The following SGMS1 variants were observed in gnomAD, a reference collection of about 807,000 sequenced individuals.
SGMS1 encodes the protein phosphatidylcholine:ceramide cholinephosphotransferase 1.
SGMS1 carries 13 observed loss-of-function variants against 46.2 expected under a neutral mutation model. The ratio of observed to expected loss-of-function variants is 0.28; its 90% CI spans 0.18 to 0.45. SGMS1 has a LOEUF of 0.45. Among genes scored for constraint, SGMS1 ranks in the 20% least tolerant of loss-of-function variants. The probability of loss-of-function intolerance (pLI) is 1.00; values close to 1 mark genes in which losing one functional copy is unlikely to be tolerated. For synonymous variants in SGMS1, 203 were observed against 187.8 expected (o/e 1.08, Z -0.66); for missense variants, 324 against 519.9 (o/e 0.62, Z 3.66).
intron 6 of SGMS1, among the ~76,000 whole-genome samples, chr10:50,380,216 A>G (rs1297051554): frequency 6.6e-6 from 1 of 151,888 alleles, no homozygotes; most frequent in African/African-American, 2.4e-5. Flanking sequence ...CCCTGTCTCT[A>G]ATAGAAATAC....
Position 50,311,420 on chromosome 10 carries a change from C to A in SGMS1, c.742-5G>T. The A allele has an allele frequency of 6.2e-7, 1 of 1,608,782 alleles. No individual in the cohort carries two copies. The highest frequency in any genetic ancestry group is 8.5e-7 in the Non-Finnish European group (1 of 1,178,372). On this transcript the variant is annotated splice_polypyrimidine_tract_variant and splice_region_variant and intron_variant, in intron 8 of 10. Transcript: ENST00000361781. ...GGCTTCCCAGTCTCCGAAAAGCTGG[C>A]AGAAAAAAAGAAAAGAAGAAAAAGA...
chr10:50,451,322 G>T (rs1467298211), intron 5 of SGMS1, among the ~76,000 whole-genome samples: 2 of 152,078 alleles, frequency 1.3e-5, no homozygotes, highest in Non-Finnish European at 1.5e-5. Flanking sequence ...TATGTTTCTG[G>T]TTCCTCTCAT....
intron 2 of SGMS1, among the ~76,000 whole-genome samples, chr10:50,559,330 G>A (rs141173201): frequency 4.6e-5 from 7 of 152,068 alleles, no homozygotes; most frequent in Admixed American, 2.0e-4. Context: ...TGCCAGAGGC[G>A]TACCCTACAC....
intron 1 of SGMS1, among the ~76,000 whole-genome samples, chr10:50,600,738 C>T (rs552448171): frequency 8.5e-5 from 13 of 152,182 alleles, no homozygotes; most frequent in Admixed American, 8.5e-4. Flanking sequence ...TTTTGAGAGT[C>T]TTCTATGTGT....
intron 5 of SGMS1, among the ~76,000 whole-genome samples, chr10:50,450,133 A>AT (rs1296286082): frequency 3.3e-5 from 5 of 152,222 alleles, no homozygotes; most frequent in Non-Finnish European, 5.9e-5. Context: ...AAGACAGTTG[A>AT]TTCAGCAACA....
intron 5 of SGMS1, among the ~76,000 whole-genome samples, chr10:50,436,136 G>T (rs1032115297): frequency 6.6e-6 from 1 of 152,036 alleles, no homozygotes; most frequent in South Asian, 2.1e-4. Context: ...ACATAGTCTC[G>T]CTCTGTCGCC....
intron 5 of SGMS1, among the ~76,000 whole-genome samples, chr10:50,450,026 A>G (rs933654006): frequency 6.6e-6 from 1 of 152,176 alleles, no homozygotes; most frequent in African/African-American, 2.4e-5. Flanking sequence ...TAGAATATAA[A>G]AGGCACTTAG....
rs570609226 is a variant in SGMS1, at chr10:50,389,592, T to C, written c.-232+43884A>G. Among the ~76,000 whole-genome samples, 9 of 152,306 alleles carry C rather than the reference T, an allele frequency of 5.9e-5. No homozygotes were observed. In the South Asian group the frequency reaches 1.7e-3, roughly 28 times the overall value. On this transcript the variant is annotated intron_variant, in intron 6 of 10. Coordinates refer to ENST00000361781, the MANE Select transcript of SGMS1 (RefSeq NM_147156.4). ...CCAGTGAAATAAAAATATTCCACTT[T>C]GCTATTTTCTCCTCTTCCTGGCCAT...
At chr10:50,400,263 C>A (rs1245476986) in intron 6 of SGMS1, among the ~76,000 whole-genome samples, 1 of 151,534 alleles carries the variant, frequency 6.6e-6, no homozygotes, top group East Asian at 1.9e-4. Context: ...TGCTGTGAGA[C>A]CTTGAATAAA....
At chr10:50,337,998 T>C (rs941081973) in intron 7 of SGMS1, among the ~76,000 whole-genome samples, 1 of 152,192 alleles carries the variant, frequency 6.6e-6, no homozygotes. Context: ...TACTGGAAAG[T>C]TGTATCTGTT....
At position 50,596,148 on chromosome 10, in the gene SGMS1, T is replaced by C. The variant is rs1398354286; in HGVS notation, c.-683-5901A>G. Among the ~76,000 whole-genome samples, 5 of 152,106 alleles carry C rather than the reference T, an allele frequency of 3.3e-5. No homozygotes were observed. The South Asian group carries it at 1.0e-3, about 32-fold the overall frequency. On this transcript the variant is annotated intron_variant, in intron 1 of 10. Coordinates refer to ENST00000361781, the MANE Select transcript of SGMS1 (RefSeq NM_147156.4). ...TAATTCAAGATGGATGATTCAATAA[T>C]TTTTAAAAGATCTTACTTGTATCAC...
chr10:50,624,222 C>G (rs1230534957), upstream of SGMS1: 1 of 635,268 alleles, frequency 1.6e-6, no homozygotes, highest in Non-Finnish European at 2.0e-6. Context: ...CTAGCGGGAG[C>G]CAGATTTTAC....
chr10:50,483,540 A>G (rs991156217), intron 3 of SGMS1, among the ~76,000 whole-genome samples: 1 of 152,192 alleles, frequency 6.6e-6, no homozygotes, highest in African/African-American at 2.4e-5. Flanking sequence ...AATCAAGTGG[A>G]CCTGATAGAT....
intron 3 of SGMS1, among the ~76,000 whole-genome samples, chr10:50,509,850 G>A (rs536149946): frequency 6.6e-6 from 1 of 152,286 alleles, no homozygotes; most frequent in African/African-American, 2.4e-5. Context: ...AAGCCAAAGT[G>A]CATCATCAAT....
At chr10:50,528,615 C>G (rs983708607) in intron 2 of SGMS1, among the ~76,000 whole-genome samples, 1 of 152,178 alleles carries the variant, frequency 6.6e-6, no homozygotes, top group Non-Finnish European at 1.5e-5. Context: ...TTTAAAGAAG[C>G]CTAGGCTGGG....
chr10:50,586,721 A>G (rs1046570290), intron 2 of SGMS1, among the ~76,000 whole-genome samples: 2 of 152,138 alleles, frequency 1.3e-5, no homozygotes, highest in South Asian at 2.1e-4. Context: ...ACCACACCCA[A>G]TTCTCCCAAG....
At chr10:50,602,072 C>G (rs1838654498) in intron 1 of SGMS1, among the ~76,000 whole-genome samples, 1 of 152,152 alleles carries the variant, frequency 6.6e-6, no homozygotes, top group Non-Finnish European at 1.5e-5. Flanking sequence ...TTGGGATGCT[C>G]AACCAATACC....
chr10:50,448,719 G>C (rs199992308), intron 5 of SGMS1, among the ~76,000 whole-genome samples: 11,068 of 135,032 alleles, frequency 0.082, 1,094 homozygotes, highest in East Asian at 0.38. Context: ...ACTCCAGCCT[G>C]AGCAACAAGA....
chr10:50,345,112 A>AT (rs1338894418), intron 6 of SGMS1, among the ~76,000 whole-genome samples: 1 of 132,910 alleles, frequency 7.5e-6, no homozygotes, highest in Non-Finnish European at 1.6e-5. Flanking sequence ...CTGGTTTAAT[A>AT]TTTTTATATT....
Sources: gnomAD v4.1 joint callset for allele counts (sites outside exome capture counted in the v4.1 genomes callset) on GRCh38, gnomAD v4.1.1 for gene constraint, MANE v1.5 for transcripts, NCBI Gene and HGNC (gene_info 2026-07-23, HGNC 2026-07-21) for gene names.